Variants in PCDHA8 observed in about 807,000 individuals in gnomAD.
The protein encoded by PCDHA8 is protocadherin alpha-8.
PCDHA8 carries 53 observed loss-of-function variants against 61.8 expected under a neutral mutation model. That is an observed-to-expected ratio of 0.86 (90% confidence interval 0.69 to 1.08). The LOEUF (loss-of-function observed/expected upper bound fraction) is 1.08, where lower values mean the gene tolerates loss of function less well. PCDHA8 is among the 50% of genes least tolerant of loss of function. The probability of loss-of-function intolerance (pLI) is 0.00; values close to 1 mark genes in which losing one functional copy is unlikely to be tolerated. For missense variants in PCDHA8, 1,293 were observed against 1,245.0 expected, an observed-to-expected ratio of 1.04 and a Z score of -0.58; for synonymous variants, 618 against 556.6, an observed-to-expected ratio of 1.11 and a Z score of -1.55.
At chr5:140,931,817 C>A (rs2087768963) in intron 1 of PCDHA8, among the ~76,000 whole-genome samples, 1 of 151,876 alleles carries the variant, frequency 6.6e-6, no homozygotes, top group Non-Finnish European at 1.5e-5. Context: ...GAAAAGAATT[C>A]TTGTCATAGT....
At chr5:140,941,220 TTTC>T (rs2092903024) in intron 1 of PCDHA8, among the ~76,000 whole-genome samples, 1 of 131,326 alleles carries the variant, frequency 7.6e-6, no homozygotes, top group Non-Finnish European at 1.6e-5. Flanking sequence ...TCTTCCTTTC[TTTC>T]TTTCTTTCTT....
chr5:140,870,678 G>C (rs1304914174), intron 1 of PCDHA8: 1 of 1,612,626 alleles, frequency 6.2e-7, no homozygotes, highest in African/African-American at 1.3e-5. Context: ...TGGACCACGA[G>C]GAGCTGGAGC....
At chr5:140,858,157 C>G in intron 1 of PCDHA8, 1 of 1,597,628 alleles carries the variant, frequency 6.3e-7, no homozygotes, top group Non-Finnish European at 8.6e-7. Flanking sequence ...TCGCCATCTG[C>G]GCGGTGTCCA....
chr5:140,967,084 T>G (rs782593106), intron 1 of PCDHA8: 1 of 1,613,270 alleles, frequency 6.2e-7, no homozygotes, highest in Admixed American at 1.7e-5. Context: ...AGCGCATTGA[T>G]CGGGAGGCGC....
intron 1 of PCDHA8, chr5:140,869,668 A>G (rs540975019): frequency 1.2e-6 from 2 of 1,613,544 alleles, no homozygotes; most frequent in African/African-American, 1.3e-5. Context: ...TGGTAAGCAG[A>G]TTAAAAGACT....
intron 1 of PCDHA8, chr5:140,856,880 T>TA: frequency 6.3e-7 from 1 of 1,594,256 alleles, no homozygotes; most frequent in Non-Finnish European, 8.6e-7. Flanking sequence ...GGAAATGATG[T>TA]ATTCATTTAG....
intron 1 of PCDHA8, among the ~76,000 whole-genome samples, chr5:140,974,580 T>C (rs2153804250): frequency 6.6e-6 from 1 of 152,286 alleles, no homozygotes; most frequent in South Asian, 2.1e-4. Context: ...GGCATGATCT[T>C]GGCTCACTGC....
rs782099262 is a variant in PCDHA8 at position 140,927,918 on chromosome 5, C to A, written c.2395-51031C>A. 3.7e-6 allele frequency: 6 copies of A among 1,614,220 alleles called. No homozygotes were observed. In the South Asian group the frequency reaches 4.4e-5, roughly 12 times the overall value. ...ACGATCATGCCCCCGAACTGGACTT[C>A]CTGACTCTTTCGAACCCAGTACCTG... On this transcript the variant is annotated intron_variant, in intron 1 of 3. Transcript: ENST00000531613.
intron 2 of PCDHA8, among the ~76,000 whole-genome samples, chr5:140,979,939 T>A (rs2096870929): frequency 6.6e-6 from 1 of 152,210 alleles, no homozygotes; most frequent in African/African-American, 2.4e-5. Context: ...ATGTGTAGAG[T>A]TAATGTGAAA....
intron 1 of PCDHA8, among the ~76,000 whole-genome samples, chr5:140,896,526 A>G (rs1554186988): frequency 6.9e-6 from 1 of 144,852 alleles, no homozygotes; most frequent in African/African-American, 2.5e-5. Context: ...CACAAAGCCC[A>G]GCTATTTTTC....
At chr5:140,947,209 A>C (rs1462777257) in intron 1 of PCDHA8, among the ~76,000 whole-genome samples, 2 of 151,580 alleles carry the variant, frequency 1.3e-5, no homozygotes, top group Non-Finnish European at 3.0e-5. Flanking sequence ...AAAAAAAGAA[A>C]ATCCTGTCAT....
At position 141,010,302 on chromosome 5, in the gene PCDHA8, A is replaced by C; in HGVS notation, c.*365A>C. On this transcript the variant is annotated 3_prime_UTR_variant, in exon 4 of 4. Coordinates refer to ENST00000531613, the MANE Select transcript of PCDHA8 (RefSeq NM_018911.3). ...TGATGACACTTGCAGGGCAGGCTGA[A>C]AAGTTTTGAGATTGAGCAGCTTGGG... The C allele has an allele frequency of 6.5e-7, 1 of 1,549,074 alleles. No individual in the cohort carries two copies. The highest frequency in any genetic ancestry group is 8.7e-7 in the Non-Finnish European group (1 of 1,146,244).
chr5:140,928,836 C>G, intron 1 of PCDHA8: 2 of 1,614,168 alleles, frequency 1.2e-6, no homozygotes, highest in South Asian at 2.2e-5. Context: ...CACTTTCCTC[C>G]TCTGTCACTC....
At chr5:140,896,864 G>A (rs1223708211) in intron 1 of PCDHA8, among the ~76,000 whole-genome samples, 1 of 152,088 alleles carries the variant, frequency 6.6e-6, no homozygotes, top group Admixed American at 6.5e-5. Flanking sequence ...CATAATAAGT[G>A]TACATATTTA....
chr5:140,869,766 G>T, intron 1 of PCDHA8: 1 of 1,613,210 alleles, frequency 6.2e-7, no homozygotes, highest in Non-Finnish European at 8.5e-7. Context: ...GAAAACCAGA[G>T]CTTACTGGCA....
chr5:140,975,016 G>T (rs782435284), intron 1 of PCDHA8, among the ~76,000 whole-genome samples: 6 of 152,128 alleles, frequency 3.9e-5, no homozygotes, highest in Non-Finnish European at 8.8e-5. Context: ...AACACAGCTG[G>T]GCTGTGTTGT....
intron 1 of PCDHA8, among the ~76,000 whole-genome samples, chr5:140,909,861 A>C (rs782745985): frequency 6.6e-6 from 1 of 152,186 alleles, no homozygotes. Context: ...GGTCCCCTGG[A>C]GTCAACGTCA....
chr5:140,875,921 C>G, intron 1 of PCDHA8: 1 of 1,614,228 alleles, frequency 6.2e-7, no homozygotes. Flanking sequence ...CCTCTGGACT[C>G]TCATTTTCCT....
At chr5:140,892,803 A>T (rs1554185373) in intron 1 of PCDHA8, among the ~76,000 whole-genome samples, 1 of 152,174 alleles carries the variant, frequency 6.6e-6, no homozygotes. Context: ...ATTATAGTTA[A>T]CCATATTTAT....
Sources: gnomAD v4.1 joint callset for allele counts (sites outside exome capture counted in the v4.1 genomes callset) on GRCh38, gnomAD v4.1.1 for gene constraint, MANE v1.5 for transcripts, NCBI Gene and HGNC (gene_info 2026-07-23, HGNC 2026-07-21) for gene names.